The following CRPPA variants were observed in gnomAD, a reference collection of about 807,000 sequenced individuals.
CRPPA encodes the protein D-ribitol-5-phosphate cytidylyltransferase.
Under a neutral mutation model 52.0 loss-of-function variants are expected in CRPPA, and 43 were observed. The ratio of observed to expected loss-of-function variants is 0.83; its 90% confidence interval spans 0.65 to 1.07. CRPPA has a LOEUF of 1.07. Ranked by LOEUF, CRPPA falls within the 50% of genes least tolerant of loss-of-function variation. CRPPA has a pLI of 0.00. For synonymous variants in CRPPA, 250 were observed against 203.5 expected, an observed-to-expected ratio of 1.23 and a Z score of -1.94; for missense variants, 629 against 551.7, an observed-to-expected ratio of 1.14 and a Z score of -1.40.
chr7:16,241,515 T>C (rs993372032), intron 8 of CRPPA, among the ~76,000 whole-genome samples: 13 of 152,174 alleles, frequency 8.5e-5, no homozygotes, highest in Non-Finnish European at 2.9e-5. Context: ...AACTATTTTA[T>C]CAAGTAAAAT....
At chr7:16,408,126 A>T (rs540566521) in intron 1 of CRPPA, among the ~76,000 whole-genome samples, 2,886 of 149,778 alleles carry the variant, frequency 0.019, 86 homozygotes, top group African/African-American at 0.067. Flanking sequence ...AAAAAATAAA[A>T]AAATAACTTA....
intron 2 of CRPPA, among the ~76,000 whole-genome samples, chr7:16,397,351 C>A (rs373359877): frequency 6.6e-6 from 1 of 152,190 alleles, no homozygotes; most frequent in African/African-American, 2.4e-5. Flanking sequence ...ACATGTGTTA[C>A]AGGTGACTGA....
At chr7:16,109,217 T>C (rs2128366495) in intron 9 of CRPPA, among the ~76,000 whole-genome samples, 1 of 151,560 alleles carries the variant, frequency 6.6e-6, no homozygotes, top group East Asian at 1.9e-4. Flanking sequence ...AAAATATAAA[T>C]GAAAAAGGAC....
intron 5 of CRPPA, among the ~76,000 whole-genome samples, chr7:16,293,149 T>C (rs1436632272): frequency 1.3e-5 from 2 of 151,672 alleles, no homozygotes; most frequent in Admixed American, 6.6e-5. Context: ...AACACTAAGG[T>C]AGATCCTCAA....
At chr7:16,244,928 T>C (rs1193926762) in intron 8 of CRPPA, among the ~76,000 whole-genome samples, 1 of 152,224 alleles carries the variant, frequency 6.6e-6, no homozygotes, top group Non-Finnish European at 1.5e-5. Flanking sequence ...ATAACTTTGA[T>C]ATCATTTTGT....
intron 8 of CRPPA, among the ~76,000 whole-genome samples, chr7:16,252,653 T>C (rs189505362): frequency 3.3e-5 from 5 of 152,314 alleles, no homozygotes; most frequent in African/African-American, 1.2e-4. Context: ...TCATTTTCTA[T>C]TGATTGGAAT....
intron 9 of CRPPA, among the ~76,000 whole-genome samples, chr7:16,212,853 C>T (rs1782187586): frequency 6.6e-6 from 1 of 152,124 alleles, no homozygotes; most frequent in African/African-American, 2.4e-5. Context: ...CAGACACTAG[C>T]TCAGTGAAAG....
intron 6 of CRPPA, among the ~76,000 whole-genome samples, chr7:16,268,009 G>A (rs1783997961): frequency 6.6e-6 from 1 of 151,978 alleles, no homozygotes. Context: ...ATAAATTGTG[G>A]TATTTGTAGA....
At chr7:16,160,033 T>C (rs1783269750) in intron 9 of CRPPA, among the ~76,000 whole-genome samples, 2 of 152,220 alleles carry the variant, frequency 1.3e-5, no homozygotes, top group African/African-American at 4.8e-5. Context: ...TTTTTTCTTG[T>C]AAATTTAAGT....
At chr7:16,406,591 A>G (rs919375460) in intron 1 of CRPPA, among the ~76,000 whole-genome samples, 1 of 152,250 alleles carries the variant, frequency 6.6e-6, no homozygotes, top group Non-Finnish European at 1.5e-5. Flanking sequence ...GTAAATGTAC[A>G]TAGTATATAG....
intron 2 of CRPPA, among the ~76,000 whole-genome samples, chr7:16,378,321 C>T (rs1344009085): frequency 4.4e-5 from 6 of 137,842 alleles, no homozygotes; most frequent in African/African-American, 1.6e-4. Flanking sequence ...CCATGTGTTC[C>T]CATTGTTCAA....
chr7:16,101,146 A>G (rs748782279), intron 9 of CRPPA, among the ~76,000 whole-genome samples: 1 of 152,138 alleles, frequency 6.6e-6, no homozygotes, highest in East Asian at 1.9e-4. Context: ...AGGTGTTTGT[A>G]TCAGGATGAT....
chr7:16,252,033 AT>A (rs1312867314), intron 8 of CRPPA, among the ~76,000 whole-genome samples: 1 of 152,220 alleles, frequency 6.6e-6, no homozygotes, highest in Non-Finnish European at 1.5e-5. Flanking sequence ...ACAATAAAAA[AT>A]GATAGAGAGC....
intron 9 of CRPPA, among the ~76,000 whole-genome samples, chr7:16,116,675 A>AAGGAAAGGAAAGAGAAGGGAAG (rs6150004): frequency 1.0e-5 from 1 of 96,620 alleles, no homozygotes; most frequent in South Asian, 4.9e-4. Flanking sequence ...AAAAAAAAAA[A>AAGGAAAGGAAAGAGAAGGGAAG]GGAAAGGAAA....
chr7:16,156,935 C>T (rs531584353), intron 9 of CRPPA, among the ~76,000 whole-genome samples: 18 of 152,258 alleles, frequency 1.2e-4, no homozygotes, highest in Non-Finnish European at 2.1e-4. Flanking sequence ...AAATACAGCT[C>T]CAAAGAGGTG....
intron 8 of CRPPA, among the ~76,000 whole-genome samples, chr7:16,256,439 T>C (rs1783642423): frequency 6.6e-6 from 1 of 152,192 alleles, no homozygotes. Context: ...TTATAAATCA[T>C]TCTACAATAA....
intron 9 of CRPPA, among the ~76,000 whole-genome samples, chr7:16,178,110 C>T (rs1486143096): frequency 6.6e-6 from 1 of 151,190 alleles, no homozygotes; most frequent in East Asian, 1.9e-4. Flanking sequence ...ATTTAAGACA[C>T]TGGAATATTT....
intron 8 of CRPPA, among the ~76,000 whole-genome samples, chr7:16,257,959 T>C (rs1783687622): frequency 6.6e-6 from 1 of 152,144 alleles, no homozygotes; most frequent in African/African-American, 2.4e-5. Flanking sequence ...TACTTTTGCT[T>C]TCGGTGGAAC....
intron 9 of CRPPA, among the ~76,000 whole-genome samples, chr7:16,123,844 T>A (rs904208290): frequency 6.6e-6 from 1 of 152,214 alleles, no homozygotes; most frequent in African/African-American, 2.4e-5. Flanking sequence ...AAAATAAAAT[T>A]TCATTTAAAA....
Sources: allele counts gnomAD v4.1 joint callset (sites outside exome capture counted in the v4.1 genomes callset), GRCh38; gene constraint gnomAD v4.1.1; transcripts MANE v1.5; gene names NCBI Gene and HGNC (gene_info 2026-07-23, HGNC 2026-07-21).